Variants in NBEA observed in about 807,000 individuals in gnomAD.
NBEA encodes the protein neurobeachin.
NBEA carries 44 observed loss-of-function variants against 343.4 expected under a neutral mutation model. The ratio of observed to expected loss-of-function variants is 0.13; its 90% CI spans 0.10 to 0.16. The LOEUF is 0.16. Ranked by LOEUF, NBEA falls within the 10% of genes least tolerant of loss-of-function variation. The pLI is 1.00. For synonymous variants in NBEA, 1,175 were observed against 1,238.7 expected (o/e 0.95, Z 1.08); for missense variants, 2,555 against 3,631.3 (o/e 0.70, Z 7.62).
intron 55 of NBEA, among the ~76,000 whole-genome samples, chr13:35,660,334 A>G (rs552896125): frequency 6.6e-6 from 1 of 152,310 alleles, no homozygotes; most frequent in African/African-American, 2.4e-5. Context: ...TTTGATATAC[A>G]TACATACAAA....
At chr13:35,323,876 C>G (rs1027574739) in intron 36 of NBEA, among the ~76,000 whole-genome samples, 5 of 152,048 alleles carry the variant, frequency 3.3e-5, no homozygotes, top group African/African-American at 9.7e-5. Context: ...TTGGTGTATT[C>G]ATTTCTATGC....
At chr13:35,014,943 A>G (rs1202090955) in intron 1 of NBEA, among the ~76,000 whole-genome samples, 5 of 151,740 alleles carry the variant, frequency 3.3e-5, no homozygotes, top group East Asian at 1.9e-4. Flanking sequence ...GGAGCAGGCA[A>G]TGAAGCCCAG....
rs191775026 is a variant in NBEA, at chr13:34,988,143, C to T, written c.294+45029C>T. 3.3e-4 allele frequency among the ~76,000 whole-genome samples: 50 copies of T among 150,978 alleles called. 2 individuals are homozygous for T. Among genetic ancestry groups the T allele is most frequent in the Admixed American group, 2.8e-3 (42 of 15,152 alleles). On this transcript the variant is annotated intron_variant, in intron 1 of 58. Coordinates refer to ENST00000379939, the MANE Select transcript of NBEA (RefSeq NM_001385012.1). ...AAATATTGCAGAACAGCAAATATTGCTGCCTAATCTTTCCTCTGGAAGGTT... is the reference window on the plus strand; with the variant it reads ...AAATATTGCAGAACAGCAAATATTGTTGCCTAATCTTTCCTCTGGAAGGTT...
rs1284105466 is a variant in NBEA at position 35,041,176 on chromosome 13, T to C, written c.526+12T>C. 1 of 1,597,058 alleles carries C rather than the reference T, an allele frequency of 6.3e-7. No homozygotes were observed. Among genetic ancestry groups the C allele is most frequent in the East Asian group, 2.2e-5 (1 of 44,624 alleles). The stretch of plus-strand genomic sequence containing the variant: ...TGACATGATAGCAGGTATGGGGTTG[T>C]CTGACAGGAAAGTATAACTTAAATG... On this transcript the variant is annotated intron_variant, in intron 2 of 58. Coordinates refer to ENST00000379939, the MANE Select transcript of NBEA (RefSeq NM_001385012.1).
chr13:35,334,199 C>G (rs2039105401), intron 36 of NBEA, among the ~76,000 whole-genome samples: 1 of 152,110 alleles, frequency 6.6e-6, no homozygotes, highest in Non-Finnish European at 1.5e-5. Context: ...CACATCCTCG[C>G]CAGCATTTGA....
intron 1 of NBEA, among the ~76,000 whole-genome samples, chr13:35,025,842 A>C (rs956012368): frequency 2.6e-5 from 4 of 152,150 alleles, no homozygotes; most frequent in African/African-American, 9.7e-5. Context: ...TCTAATGATC[A>C]GTGAGAGGTT....
intron 25 of NBEA, among the ~76,000 whole-genome samples, chr13:35,170,581 A>G (rs563510083): frequency 6.6e-6 from 1 of 151,996 alleles, no homozygotes; most frequent in Non-Finnish European, 1.5e-5. Context: ...GAAATCAGAA[A>G]TGTAGTGAAA....
chr13:35,440,505 G>A (rs542217769), intron 39 of NBEA, among the ~76,000 whole-genome samples: 24 of 152,280 alleles, frequency 1.6e-4, no homozygotes, highest in Middle Eastern at 3.4e-3. Flanking sequence ...TTTAGCTGGA[G>A]TCGAAAGGAT....
Position 35,159,736 on chromosome 13 carries a change from C to G in NBEA, c.3565C>G (p.His1189Asp). The G allele has an allele frequency of 6.2e-7, 1 of 1,613,248 alleles. No individual in the cohort carries two copies. Among genetic ancestry groups the G allele is most frequent in the Non-Finnish European group, 8.5e-7 (1 of 1,179,618 alleles). The part of the protein sequence containing the change: ...GVSDDLGLLA[H>D]MTGSVDLTCT... ...TAGTGATGATCTTGGATTGCTTGCTCACATGACCGGTAGCGTAGACTTAAC... is the reference window on the plus strand; with the variant it reads ...TAGTGATGATCTTGGATTGCTTGCTGACATGACCGGTAGCGTAGACTTAAC... The change falls in exon 22 of 59, where the codon CAC becomes GAC. Residue 1189 changes from histidine (H) to aspartate (D), a missense_variant. Physicochemically the swap from His to Asp is moderately conservative, Grantham distance 81. Around this residue, in one of 21 missense-constraint regions of NBEA, gnomAD observed 367 missense variants for 377.5 expected, o/e 0.97. Coordinates refer to ENST00000379939, the MANE Select transcript of NBEA (RefSeq NM_001385012.1).
intron 18 of NBEA, among the ~76,000 whole-genome samples, chr13:35,146,072 G>T (rs1205648380): frequency 6.6e-6 from 1 of 152,114 alleles, no homozygotes; most frequent in Non-Finnish European, 1.5e-5. Flanking sequence ...TCTCATACTT[G>T]TGGTTCCATT....
Position 35,436,707 on chromosome 13 carries a change from C to CAA in NBEA, c.6304+4333_6304+4334dup, listed in dbSNP as rs71081254. 4.7e-3 allele frequency among the ~76,000 whole-genome samples: 381 copies of CAA among 80,282 alleles called. 5 individuals are homozygous for CAA. Among genetic ancestry groups the CAA allele is most frequent in the East Asian group, 0.036 (109 of 3,068 alleles). The allele number at this position is 80,282 out of a possible 152,430, so 52.7% of individuals were successfully genotyped here. A position where few individuals can be genotyped will look rare whatever the true frequency, so the allele number is the denominator to read the frequency against. Reference sequence around the variant, plus strand: ...CCTGGGCGACAGGGAGACTCCGTCTCAAAAAAAAAAAAAAAAAAAATCTGC... The same window carrying CAA: ...CCTGGGCGACAGGGAGACTCCGTCTCAAAAAAAAAAAAAAAAAAAAAATCTGC... On this transcript the variant is annotated intron_variant, in intron 39 of 58. Transcript: ENST00000379939.
At chr13:35,511,517 G>A (rs1270474683) in intron 41 of NBEA, among the ~76,000 whole-genome samples, 1 of 152,028 alleles carries the variant, frequency 6.6e-6, no homozygotes, top group East Asian at 1.9e-4. Flanking sequence ...ATAATCACTA[G>A]CATAATTATT....
At chr13:35,407,450 G>A (rs2043330898) in intron 38 of NBEA, among the ~76,000 whole-genome samples, 1 of 147,682 alleles carries the variant, frequency 6.8e-6, no homozygotes, top group Non-Finnish European at 1.5e-5. Flanking sequence ...ATAAAATAAA[G>A]CCCAGATTAA....
intron 2 of NBEA, among the ~76,000 whole-genome samples, chr13:35,041,632 C>A (rs889173772): frequency 6.6e-6 from 1 of 151,782 alleles, no homozygotes; most frequent in Non-Finnish European, 1.5e-5. Context: ...TTGGATATGT[C>A]CATTTTGGAA....
intron 30 of NBEA, chr13:35,186,516 A>G (rs1163927792): frequency 6.6e-6 from 1 of 152,174 alleles, no homozygotes; most frequent in African/African-American, 2.4e-5. Context: ...TACAAAATGT[A>G]GAAGAGTTTT....
At chr13:35,043,981 G>A (rs1430120574) in intron 2 of NBEA, among the ~76,000 whole-genome samples, 3 of 151,958 alleles carry the variant, frequency 2.0e-5, no homozygotes, top group South Asian at 2.1e-4. Flanking sequence ...TTGAGAAAAC[G>A]AAGTATAAAT....
intron 38 of NBEA, among the ~76,000 whole-genome samples, chr13:35,403,075 G>A (rs760288986): frequency 2.8e-4 from 43 of 151,892 alleles, no homozygotes; most frequent in Non-Finnish European, 2.4e-4. Flanking sequence ...GCTTTCCTCT[G>A]CCTTTGAAGA....
rs1206150306 is a variant in NBEA at position 35,156,067 on chromosome 13, TTTTC to T, written c.2528-12_2528-9del. 3 of 1,562,486 alleles carry T rather than the reference TTTTC, an allele frequency of 1.9e-6. No individual in the cohort carries two copies. Among genetic ancestry groups the T allele is most frequent in the East Asian group, 2.3e-5 (1 of 44,326 alleles). ...ATATGGTTACAAATCTACAAGTTTTTTTTCTTTGTTTACAGTGATTCTTAAAGTG... is the reference window on the plus strand; with the variant it reads ...ATATGGTTACAAATCTACAAGTTTTTTTTGTTTACAGTGATTCTTAAAGTG... On this transcript the variant is annotated splice_polypyrimidine_tract_variant and intron_variant, in intron 19 of 58. Transcript: ENST00000379939.
chr13:35,332,045 A>T (rs2038959120), intron 36 of NBEA, among the ~76,000 whole-genome samples: 6 of 152,012 alleles, frequency 3.9e-5, no homozygotes, highest in Admixed American at 3.9e-4. Context: ...TTCCCACATA[A>T]CATACTCATG....
Sources: allele counts gnomAD v4.1 joint callset (sites outside exome capture counted in the v4.1 genomes callset), GRCh38; gene constraint gnomAD v4.1.1; regional missense constraint gnomAD v4.1.1; transcripts MANE v1.5; gene names NCBI Gene and HGNC (gene_info 2026-07-23, HGNC 2026-07-21).